Variants in CADM2 observed in about 807,000 individuals in gnomAD.
CADM2 encodes cell adhesion molecule 2, also known as immunoglobulin superfamily member 4D.
CADM2 carries 12 observed loss-of-function variants against 49.8 expected under a neutral mutation model. That is an observed-to-expected ratio of 0.24 (90% CI 0.15 to 0.39). The LOEUF (loss-of-function observed/expected upper bound fraction) is 0.39, where lower values mean the gene tolerates loss of function less well. Among genes scored for constraint, CADM2 ranks in the 10% least tolerant of loss-of-function variants. The probability of loss-of-function intolerance (pLI) is 1.00; values close to 1 mark genes in which losing one functional copy is unlikely to be tolerated. For synonymous variants in CADM2, 214 were observed against 175.4 expected (o/e 1.22, Z -1.74); for missense variants, 378 against 492.3 (o/e 0.77, Z 2.20).
At chr3:85,814,675 T>A (rs1222458405) in intron 3 of CADM2, among the ~76,000 whole-genome samples, 1 of 152,030 alleles carries the variant, frequency 6.6e-6, no homozygotes, top group African/African-American at 2.4e-5. Context: ...CAATAAAAAA[T>A]GATATAGGAA....
chr3:85,027,082 T>G (rs1274231894), intron 1 of CADM2, among the ~76,000 whole-genome samples: 3 of 149,794 alleles, frequency 2.0e-5, no homozygotes, highest in African/African-American at 4.9e-5. Context: ...TTTTTGTTGT[T>G]GTGGTTGTTG....
Position 85,010,374 on chromosome 3 carries a change from G to A in CADM2, c.61+50706G>A, listed in dbSNP as rs116881527. On this transcript the variant is annotated intron_variant, in intron 1 of 9. Transcript: ENST00000383699. ...TAATTAGAATGTATAAATAGTCCAG[G>A]AATACCAAAGTCTTGTATTTTATTG... 7.0e-4 allele frequency among the ~76,000 whole-genome samples: 106 copies of A among 152,248 alleles called. 2 individuals carry two copies. The East Asian group carries it at 0.02, about 28-fold the overall frequency.
chr3:85,610,049 G>A (rs2063637128), intron 1 of CADM2, among the ~76,000 whole-genome samples: 1 of 151,782 alleles, frequency 6.6e-6, no homozygotes, highest in Admixed American at 6.6e-5. Flanking sequence ...ATTATTTCAC[G>A]ATGGTAAAAA....
At chr3:85,372,363 G>GTA (rs540478908) in intron 1 of CADM2, among the ~76,000 whole-genome samples, 155 of 150,270 alleles carry the variant, frequency 1.0e-3, no homozygotes, top group Non-Finnish European at 1.8e-3. Flanking sequence ...GTGTGTGTGT[G>GTA]TATATATATA....
intron 2 of CADM2, among the ~76,000 whole-genome samples, chr3:85,793,362 A>G (rs2071446754): frequency 6.6e-6 from 1 of 152,202 alleles, no homozygotes; most frequent in African/African-American, 2.4e-5. Flanking sequence ...ATTCAAGATC[A>G]CTGTTCACAG....
At chr3:85,776,978 C>A (rs1050024218) in intron 2 of CADM2, among the ~76,000 whole-genome samples, 2 of 151,916 alleles carry the variant, frequency 1.3e-5, no homozygotes, top group Non-Finnish European at 2.9e-5. Flanking sequence ...TTAATGCATT[C>A]CTGTGTATTT....
In CADM2 at chr3:85,801,997, A is replaced by T. The variant is rs2072073916; in HGVS notation, c.89-50A>T. On this transcript the variant is annotated intron_variant, in intron 2 of 9. Coordinates refer to ENST00000383699, the MANE Select transcript of CADM2 (RefSeq NM_001167675.2). ...GGCCAGTGTAGATCTTAGGCAGTTA[A>T]TCATTTTATGACTTTCATTTAATCA... The T allele has an allele frequency of 2.2e-6, 3 of 1,357,808 alleles. No homozygotes were observed. The East Asian group carries it at 8.0e-5, about 36-fold the overall frequency. 84.1% of individuals were successfully genotyped at this position (1,357,808 alleles called of 1,614,324 possible).
At chr3:85,017,740 C>T (rs2034314740) in intron 1 of CADM2, among the ~76,000 whole-genome samples, 1 of 152,138 alleles carries the variant, frequency 6.6e-6, no homozygotes, top group Admixed American at 6.5e-5. Context: ...TCTCTGTAAA[C>T]TAAATTCTTA....
Position 85,895,267 on chromosome 3 carries a change from C to T in CADM2, c.529+8940C>T, listed in dbSNP as rs141005894. 1.5e-4 allele frequency among the ~76,000 whole-genome samples: 23 copies of T among 152,270 alleles called. 1 individual carries two copies. Among genetic ancestry groups the T allele is most frequent in the Admixed American group, 9.8e-4 (15 of 15,306 alleles). Reference sequence around the variant, plus strand: ...TGGGAGCCCACCTCTTGCATCAGTGCGACCTGAATGTGAGACATAGAGTCA... The same window carrying T: ...TGGGAGCCCACCTCTTGCATCAGTGTGACCTGAATGTGAGACATAGAGTCA... On this transcript the variant is annotated intron_variant, in intron 5 of 9. Coordinates refer to ENST00000383699, the MANE Select transcript of CADM2 (RefSeq NM_001167675.2).
chr3:85,106,699 C>T lies in CADM2; in HGVS notation c.61+147031C>T, dbSNP rs115711536. On this transcript the variant is annotated intron_variant, in intron 1 of 9. Coordinates refer to ENST00000383699, the MANE Select transcript of CADM2 (RefSeq NM_001167675.2). Reference sequence around the variant, plus strand: ...ATTAATTAAAACAAGTACGGGGAAACGTAGCCTTGCCTGATCAGGGAAAAT... The same window carrying T: ...ATTAATTAAAACAAGTACGGGGAAATGTAGCCTTGCCTGATCAGGGAAAAT... 2.7e-3 allele frequency among the ~76,000 whole-genome samples: 404 copies of T among 152,134 alleles called. 1 individual carries two copies. Among genetic ancestry groups the T allele is most frequent in the African/African-American group, 9.0e-3 (372 of 41,490 alleles).
chr3:85,501,562 G>A (rs1388810496), intron 1 of CADM2, among the ~76,000 whole-genome samples: 1 of 152,016 alleles, frequency 6.6e-6, no homozygotes, highest in Non-Finnish European at 1.5e-5. Context: ...ATTATTACCA[G>A]TTAGCTTGAA....
chr3:85,332,843 T>A (rs2044968250), intron 1 of CADM2, among the ~76,000 whole-genome samples: 1 of 151,914 alleles, frequency 6.6e-6, no homozygotes, highest in South Asian at 2.1e-4. Context: ...ACAAGGCTTT[T>A]TTTTATTCCC....
intron 7 of CADM2, among the ~76,000 whole-genome samples, chr3:85,944,882 G>T (rs947500205): frequency 6.6e-6 from 1 of 151,878 alleles, no homozygotes; most frequent in African/African-American, 2.4e-5. Context: ...AGAAGCAAGA[G>T]CAAACACATT....
chr3:85,704,951 C>T (rs1237951529), intron 1 of CADM2, among the ~76,000 whole-genome samples: 4 of 150,762 alleles, frequency 2.7e-5, no homozygotes, highest in South Asian at 2.1e-4. Flanking sequence ...CTCCGCCTCC[C>T]GGGTTCACGC....
chr3:85,317,643 A>T (rs2044500356), intron 1 of CADM2, among the ~76,000 whole-genome samples: 1 of 152,166 alleles, frequency 6.6e-6, no homozygotes, highest in African/African-American at 2.4e-5. Flanking sequence ...AAGAAAAGAG[A>T]CCAATTTACT....
At chr3:85,226,263 T>G (rs930114391) in intron 1 of CADM2, among the ~76,000 whole-genome samples, 1 of 151,788 alleles carries the variant, frequency 6.6e-6, no homozygotes, top group East Asian at 1.9e-4. Flanking sequence ...TTTTTTTTTT[T>G]GATTGGTATG....
rs1002426765 is a variant in CADM2 at position 85,961,484 on chromosome 3, G to T, written c.807G>T (p.Leu269Phe). Residue 269 changes from leucine (L) to phenylalanine (F), a missense_variant, in exon 8 of 10, where the codon TTG becomes TTT. Transcript: ENST00000383699. ...AATCCAATAGGCCAGAACCTGTTTT[G>T]TGGACAAAGGATGGCGGAGAATTAC... Reference protein sequence around the residue: ...SKGKPLPEPVLWTKDGGELPD... With the variant: ...SKGKPLPEPVFWTKDGGELPD... The T allele has an allele frequency of 1.3e-6, 2 of 1,599,624 alleles. No homozygotes were observed. The highest frequency in any genetic ancestry group is 3.3e-4 in the Middle Eastern group (2 of 6,004).
intron 1 of CADM2, among the ~76,000 whole-genome samples, chr3:85,445,698 G>A (rs912423897): frequency 1.3e-5 from 2 of 151,918 alleles, no homozygotes; most frequent in East Asian, 3.9e-4. Context: ...ATTAATAGTG[G>A]GAGGGACAGA....
intron 1 of CADM2, among the ~76,000 whole-genome samples, chr3:85,350,620 C>G (rs1310106099): frequency 3.3e-5 from 5 of 152,116 alleles, no homozygotes; most frequent in Non-Finnish European, 5.9e-5. Flanking sequence ...TGTGATCTTT[C>G]ATAGAGTTTC....
Sources: gnomAD v4.1 joint callset for allele counts (sites outside exome capture counted in the v4.1 genomes callset) on GRCh38, gnomAD v4.1.1 for gene constraint, MANE v1.5 for transcripts, NCBI Gene and HGNC (gene_info 2026-07-23, HGNC 2026-07-21) for gene names.